Variants in CSMD1 observed in about 807,000 individuals in gnomAD.
CSMD1 encodes CUB and sushi domain-containing protein 1.
Under a neutral mutation model 417.5 loss-of-function variants are expected in CSMD1, and 213 were observed. That is an observed-to-expected ratio of 0.51 (90% CI 0.46 to 0.57). The LOEUF (loss-of-function observed/expected upper bound fraction) is 0.57. CSMD1 is among the 20% of genes least tolerant of loss of function. CSMD1 has a pLI of 0.00. For synonymous variants in CSMD1, 2,862 were observed against 1,736.8 expected, an observed-to-expected ratio of 1.65 and a Z score of -16.11; for missense variants, 6,923 against 4,529.7, an observed-to-expected ratio of 1.53 and a Z score of -15.17.
intron 4 of CSMD1, among the ~76,000 whole-genome samples, chr8:4,025,434 T>C (rs1322179516): frequency 6.6e-6 from 1 of 152,226 alleles, no homozygotes; most frequent in Non-Finnish European, 1.5e-5. Flanking sequence ...TTTAATAATT[T>C]ATGAATCAAT....
Position 3,367,267 on chromosome 8 carries a change from G to T in CSMD1, c.2900-20C>A, listed in dbSNP as rs774541992. 95 of 1,221,292 alleles carry T rather than the reference G, an allele frequency of 7.8e-5. No homozygotes were observed. The highest frequency in any genetic ancestry group is 9.7e-5 in the Non-Finnish European group (86 of 890,318). 75.7% of individuals were successfully genotyped at this position (1,221,292 alleles called of 1,614,324 possible). ...GAACTCCTGAGAAATGAAGCCGGGGGAGAGAGAGAGAGACAGAGAGAGACA... is the reference window on the plus strand; with the variant it reads ...GAACTCCTGAGAAATGAAGCCGGGGTAGAGAGAGAGAGACAGAGAGAGACA... On this transcript the variant is annotated intron_variant, in intron 19 of 69. Coordinates refer to ENST00000635120, the MANE Select transcript of CSMD1 (RefSeq NM_033225.6).
At chr8:3,563,023 G>A (rs554153528) in intron 10 of CSMD1, among the ~76,000 whole-genome samples, 3 of 152,094 alleles carry the variant, frequency 2.0e-5, no homozygotes, top group Non-Finnish European at 2.9e-5. Flanking sequence ...GAAAGTAGAA[G>A]CATTTAGAAT....
intron 1 of CSMD1, among the ~76,000 whole-genome samples, chr8:4,946,279 G>A (rs1339253578): frequency 1.3e-5 from 2 of 152,138 alleles, no homozygotes; most frequent in Admixed American, 1.3e-4. Context: ...GATGAAGAAA[G>A]CTTTTTCCCA....
At chr8:3,631,497 G>T (rs1427582066) in intron 7 of CSMD1, among the ~76,000 whole-genome samples, 1 of 152,312 alleles carries the variant, frequency 6.6e-6, no homozygotes, top group South Asian at 2.1e-4. Context: ...AGGCAGATAG[G>T]CCGGGAATAG....
At chr8:4,180,843 G>A (rs1798329800) in intron 3 of CSMD1, among the ~76,000 whole-genome samples, 1 of 152,198 alleles carries the variant, frequency 6.6e-6, no homozygotes, top group African/African-American at 2.4e-5. Context: ...CAACAATTAT[G>A]ATATTTAAAA....
At position 4,791,326 on chromosome 8, in the gene CSMD1, G is replaced by C. The variant is rs547480720; in HGVS notation, c.86-153768C>G. The stretch of plus-strand genomic sequence containing the variant: ...TACCAGGCTTTCTTACTACTTCTTG[G>C]TGTGGACTTGTTTTTACTCCTTTCT... On this transcript the variant is annotated intron_variant, in intron 1 of 69. Coordinates refer to ENST00000635120, the MANE Select transcript of CSMD1 (RefSeq NM_033225.6). 1.2e-4 allele frequency among the ~76,000 whole-genome samples: 19 copies of C among 152,310 alleles called. No individual in the cohort carries two copies. In the Middle Eastern group the frequency reaches 0.017, roughly 136 times the overall value.
rs192985556 is a variant in CSMD1 at position 3,203,538 on chromosome 8, G to C, written c.4985-1813C>G. 1.2e-3 allele frequency among the ~76,000 whole-genome samples: 179 copies of C among 152,268 alleles called. 1 individual carries two copies. The highest frequency in any genetic ancestry group is 4.0e-3 in the African/African-American group (167 of 41,554). ...GAATGGAATATAAGAAATTATATCA[G>C]CGAACGGAATACAAAAAGCAAAATG... On this transcript the variant is annotated intron_variant, in intron 31 of 69. Coordinates refer to ENST00000635120, the MANE Select transcript of CSMD1 (RefSeq NM_033225.6).
chr8:4,281,311 T>A (rs1476433030), intron 3 of CSMD1, among the ~76,000 whole-genome samples: 1 of 152,220 alleles, frequency 6.6e-6, no homozygotes, highest in Non-Finnish European at 1.5e-5. Flanking sequence ...AACCTGATAG[T>A]AACTGCGAGA....
At chr8:4,801,983 T>G (rs753763092) in intron 1 of CSMD1, among the ~76,000 whole-genome samples, 19 of 152,326 alleles carry the variant, frequency 1.2e-4, no homozygotes, top group African/African-American at 4.3e-4. Context: ...GCATCCATCA[T>G]TGAAGCAAGG....
At chr8:3,948,515 A>AT (rs1811390020) in intron 5 of CSMD1, among the ~76,000 whole-genome samples, 1 of 151,982 alleles carries the variant, frequency 6.6e-6, no homozygotes, top group Non-Finnish European at 1.5e-5. Context: ...GTCTTCTTAT[A>AT]TTTTCTTTAT....
chr8:4,450,674 T>C (rs777876351), intron 2 of CSMD1, among the ~76,000 whole-genome samples: 12 of 152,302 alleles, frequency 7.9e-5, no homozygotes, highest in Non-Finnish European at 1.3e-4. Flanking sequence ...TCCACTGTCT[T>C]GCACTGTATC....
At chr8:4,970,204 T>C (rs183977554) in intron 1 of CSMD1, among the ~76,000 whole-genome samples, 20 of 152,052 alleles carry the variant, frequency 1.3e-4, no homozygotes, top group Admixed American at 6.6e-4. Flanking sequence ...CAGACTCGAA[T>C]CTTGTTTCTT....
intron 22 of CSMD1, among the ~76,000 whole-genome samples, chr8:3,346,247 A>C (rs374979205): frequency 1.3e-5 from 2 of 152,336 alleles, no homozygotes; most frequent in East Asian, 3.9e-4. Context: ...TTTAAACAGC[A>C]TGCAATCACA....
chr8:4,792,238 GA>G (rs1458618068), intron 1 of CSMD1, among the ~76,000 whole-genome samples: 2 of 152,090 alleles, frequency 1.3e-5, no homozygotes, highest in Non-Finnish European at 2.9e-5. Flanking sequence ...GTATAGAACT[GA>G]AAAATAACAG....
intron 1 of CSMD1, among the ~76,000 whole-genome samples, chr8:4,764,895 C>CAAAACAAAACAAAAAAAAAA (rs763804321): frequency 1.8e-3 from 54 of 30,544 alleles, no homozygotes; most frequent in African/African-American, 6.3e-3. Flanking sequence ...AAAAAAAAAA[C>CAAAACAAAACAAAAAAAAAA]AACAACAACA....
intron 46 of CSMD1, among the ~76,000 whole-genome samples, chr8:3,106,235 A>AAG (rs1185967552): frequency 6.6e-6 from 1 of 151,390 alleles, no homozygotes; most frequent in Middle Eastern, 3.2e-3. Flanking sequence ...AAAAAAAAAA[A>AAG]AAAATCCAAA....
Position 3,059,036 on chromosome 8 carries a change from T to C in CSMD1, c.7475-6389A>G, listed in dbSNP as rs543062157. Among the ~76,000 whole-genome samples, 263 of 152,052 alleles carry C rather than the reference T, an allele frequency of 1.7e-3. 1 individual carries two copies. The highest frequency in any genetic ancestry group is 6.2e-3 in the African/African-American group (255 of 41,454). ...GGAGGATGTGTTGGTGATTTTTTTT[T>C]CCGCTAACCCTGCGCTAAAGTGAGA... On this transcript the variant is annotated intron_variant, in intron 49 of 69. Coordinates refer to ENST00000635120, the MANE Select transcript of CSMD1 (RefSeq NM_033225.6).
intron 5 of CSMD1, among the ~76,000 whole-genome samples, chr8:3,776,394 C>T (rs182571651): frequency 6.6e-5 from 10 of 152,278 alleles, no homozygotes; most frequent in East Asian, 1.9e-4. Context: ...TCTAAAGAGG[C>T]GCTGCAAGGG....
intron 41 of CSMD1, among the ~76,000 whole-genome samples, chr8:3,119,122 G>C (rs1406107782): frequency 4.6e-5 from 7 of 152,176 alleles, no homozygotes; most frequent in African/African-American, 1.7e-4. Flanking sequence ...GAAGTTTGCA[G>C]TGAGCCGAGA....
Sources: gnomAD v4.1 joint callset for allele counts (sites outside exome capture counted in the v4.1 genomes callset) on GRCh38, gnomAD v4.1.1 for gene constraint, MANE v1.5 for transcripts, NCBI Gene and HGNC (gene_info 2026-07-23, HGNC 2026-07-21) for gene names.